Variants in DNER observed in about 807,000 individuals in gnomAD.
The protein encoded by DNER is delta and Notch-like epidermal growth factor-related receptor.
In DNER, 33 loss-of-function variants were observed where a neutral mutation model predicts 78.2. The ratio of observed to expected loss-of-function variants is 0.42; its 90% confidence interval spans 0.32 to 0.56. The LOEUF (loss-of-function observed/expected upper bound fraction) is 0.56, where lower values mean the gene tolerates loss of function less well. DNER is among the 20% of genes least tolerant of loss of function. The pLI is 0.11. For missense variants in DNER, 918 were observed against 975.3 expected (o/e 0.94, Z 0.78); for synonymous variants, 417 against 384.8 (o/e 1.08, Z -0.98).
chr2:229,552,106 A>G (rs1696756253), intron 4 of DNER, among the ~76,000 whole-genome samples: 1 of 152,192 alleles, frequency 6.6e-6, no homozygotes, highest in South Asian at 2.1e-4. Flanking sequence ...AAAAATTTTG[A>G]ACCAAACAAC....
At chr2:229,477,775 TAA>T (rs1695067618) in intron 6 of DNER, among the ~76,000 whole-genome samples, 1 of 152,198 alleles carries the variant, frequency 6.6e-6, no homozygotes, top group Admixed American at 6.5e-5. Context: ...ACTTTAAAGA[TAA>T]AGAGATTGAG....
rs74001403 is a variant in DNER, at chr2:229,633,602, A to G, written c.277-41714T>C. On this transcript the variant is annotated intron_variant, in intron 1 of 12. Coordinates refer to ENST00000341772, the MANE Select transcript of DNER (RefSeq NM_139072.4). ...CAAAAAATTAAATCCCAAGTATGAAAGGTGAAACAAAGCCACAATGTGAAA... is the reference window on the plus strand; with the variant it reads ...CAAAAAATTAAATCCCAAGTATGAAGGGTGAAACAAAGCCACAATGTGAAA... Among the ~76,000 whole-genome samples, 291 of 152,382 alleles carry G rather than the reference A, an allele frequency of 1.9e-3. 2 individuals are homozygous for G. Among genetic ancestry groups the G allele is most frequent in the African/African-American group, 6.7e-3 (280 of 41,592 alleles).
chr2:229,607,237 T>G (rs1321871021), intron 1 of DNER, among the ~76,000 whole-genome samples: 5 of 152,202 alleles, frequency 3.3e-5, no homozygotes, highest in Non-Finnish European at 7.3e-5. Flanking sequence ...GATTAAACTG[T>G]CCTGATATCT....
At chr2:229,546,333 A>G (rs1159395429) in intron 5 of DNER, among the ~76,000 whole-genome samples, 1 of 152,216 alleles carries the variant, frequency 6.6e-6, no homozygotes, top group African/African-American at 2.4e-5. Flanking sequence ...ATGTCCAACC[A>G]CCATTCAGTT....
At chr2:229,600,851 T>G (rs1375002466) in intron 1 of DNER, among the ~76,000 whole-genome samples, 1 of 152,154 alleles carries the variant, frequency 6.6e-6, no homozygotes, top group Non-Finnish European at 1.5e-5. Flanking sequence ...TGGGGAAAGG[T>G]CACACAGACT....
chr2:229,551,127 T>G (rs928090850), intron 4 of DNER, among the ~76,000 whole-genome samples: 2 of 152,256 alleles, frequency 1.3e-5, no homozygotes, highest in African/African-American at 4.8e-5. Flanking sequence ...ACAGACTTCC[T>G]ACATTGTTTC....
chr2:229,532,382 A>G (rs532976103), intron 5 of DNER, among the ~76,000 whole-genome samples: 1 of 152,146 alleles, frequency 6.6e-6, no homozygotes, highest in African/African-American at 2.4e-5. Context: ...TTTCAATGTG[A>G]TGTATCCTCT....
chr2:229,481,097 G>A (rs919318734), intron 6 of DNER, among the ~76,000 whole-genome samples: 5 of 152,192 alleles, frequency 3.3e-5, no homozygotes, highest in Non-Finnish European at 7.3e-5. Flanking sequence ...CTGCAAAGCC[G>A]ATGAGGGTAG....
chr2:229,390,884 T>C (rs1356562769), intron 10 of DNER, among the ~76,000 whole-genome samples: 1 of 152,230 alleles, frequency 6.6e-6, no homozygotes, highest in East Asian at 1.9e-4. Context: ...CCTATGCATC[T>C]AGTTGAATCA....
At chr2:229,567,677 C>T (rs1574907121) in intron 4 of DNER, among the ~76,000 whole-genome samples, 1 of 152,190 alleles carries the variant, frequency 6.6e-6, no homozygotes, top group East Asian at 1.9e-4. Flanking sequence ...TAAACCACGC[C>T]TTGCTGCAGA....
intron 4 of DNER, among the ~76,000 whole-genome samples, chr2:229,570,739 G>A (rs1697204507): frequency 6.6e-6 from 1 of 152,066 alleles, no homozygotes; most frequent in Non-Finnish European, 1.5e-5. Context: ...GTATAAGAGT[G>A]GAGGTTAGAC....
intron 10 of DNER, among the ~76,000 whole-genome samples, chr2:229,406,098 G>A (rs912674232): frequency 6.6e-6 from 1 of 152,168 alleles, no homozygotes; most frequent in Non-Finnish European, 1.5e-5. Flanking sequence ...CTACACTTCG[G>A]CTTTTGTCAC....
chr2:229,594,014 C>A (rs766370134), intron 1 of DNER, among the ~76,000 whole-genome samples: 19 of 152,246 alleles, frequency 1.2e-4, no homozygotes, highest in South Asian at 4.1e-4. Context: ...AGAGGCCTCA[C>A]AGCTTCAGCT....
chr2:229,364,442 A>C (rs181939058), intron 12 of DNER, among the ~76,000 whole-genome samples: 109 of 152,236 alleles, frequency 7.2e-4, no homozygotes, highest in Middle Eastern at 3.4e-3. Context: ...TCAAATAAAC[A>C]ATTAAGGTGG....
chr2:229,639,501 AC>A (rs1316371246), intron 1 of DNER, among the ~76,000 whole-genome samples: 1 of 151,986 alleles, frequency 6.6e-6, no homozygotes, highest in Non-Finnish European at 1.5e-5. Flanking sequence ...TGATCTGCCC[AC>A]CTCGGCCTCC....
chr2:229,537,549 T>C (rs1696430529), intron 5 of DNER, among the ~76,000 whole-genome samples: 1 of 152,142 alleles, frequency 6.6e-6, no homozygotes. Flanking sequence ...TGGAGAGACC[T>C]CTAAAATCCC....
chr2:229,651,402 G>A (rs1698814696), intron 1 of DNER, among the ~76,000 whole-genome samples: 1 of 152,242 alleles, frequency 6.6e-6, no homozygotes, highest in Non-Finnish European at 1.5e-5. Flanking sequence ...ATGGTTCTCA[G>A]AGGACACTTG....
intron 6 of DNER, among the ~76,000 whole-genome samples, chr2:229,505,177 AGTGTGTGTGT>A (rs144321798): frequency 1.0e-3 from 130 of 126,516 alleles, no homozygotes; most frequent in Middle Eastern, 4.1e-3. Flanking sequence ...GTGTTGCTGC[AGTGTGTGTGT>A]GTGTGTGTGT....
chr2:229,472,995 A>G (rs372811783), intron 7 of DNER, among the ~76,000 whole-genome samples: 69 of 152,224 alleles, frequency 4.5e-4, no homozygotes, highest in African/African-American at 1.6e-3. Flanking sequence ...AAGGAGCAGG[A>G]GTCACAGAGA....
Sources: allele counts gnomAD v4.1 joint callset (sites outside exome capture counted in the v4.1 genomes callset), GRCh38; gene constraint gnomAD v4.1.1; transcripts MANE v1.5; gene names NCBI Gene and HGNC (gene_info 2026-07-23, HGNC 2026-07-21).